PASD1: variants seen among roughly 807,000 people sequenced by gnomAD.
PASD1 encodes PAS domain containing repressor 1.
In PASD1, 13 loss-of-function variants were observed where a neutral mutation model predicts 58.8. The ratio of observed to expected loss-of-function variants is 0.22; its 90% CI spans 0.14 to 0.35. PASD1 has a LOEUF of 0.35. PASD1 is among the 10% of genes least tolerant of loss of function. The probability of loss-of-function intolerance (pLI) is 1.00; values close to 1 mark genes in which losing one functional copy is unlikely to be tolerated. For missense variants in PASD1, 734 were observed against 568.3 expected, an observed-to-expected ratio of 1.29 and a Z score of -2.96; for synonymous variants, 236 against 216.7, an observed-to-expected ratio of 1.09 and a Z score of -0.78.
At chrX:151,607,258 A>G (rs777841927) in intron 3 of PASD1, among the ~76,000 whole-genome samples, 1 of 111,883 alleles carries the variant, frequency 8.9e-6, no homozygotes, top group Non-Finnish European at 1.9e-5. Context: ...TTTTTGCTCA[A>G]CCTTTCTTTT....
chrX:151,640,710 A>G (rs2013985751), intron 8 of PASD1, among the ~76,000 whole-genome samples: 1 of 111,847 alleles, frequency 8.9e-6, no homozygotes, highest in African/African-American at 3.2e-5. Flanking sequence ...CATTCTGCCC[A>G]TGAATGTCTT....
chrX:151,627,116 T>C (rs2013798137), intron 8 of PASD1, among the ~76,000 whole-genome samples: 1 of 112,033 alleles, frequency 8.9e-6, no homozygotes, highest in Non-Finnish European at 1.9e-5. Flanking sequence ...TGTCTGCTCA[T>C]GCCATGATCA....
chrX:151,582,220 G>A (rs752699452), intron 1 of PASD1, among the ~76,000 whole-genome samples: 22 of 110,390 alleles, frequency 2.0e-4, no homozygotes, highest in African/African-American at 6.9e-4. Flanking sequence ...TCCTGACCTC[G>A]TGATCCACCA....
intron 1 of PASD1, among the ~76,000 whole-genome samples, chrX:151,599,128 T>C (rs2013362261): frequency 9.0e-6 from 1 of 111,534 alleles, no homozygotes; most frequent in Non-Finnish European, 1.9e-5. Context: ...TCAGAGAGCA[T>C]GGGGTTGGGG....
intron 1 of PASD1, among the ~76,000 whole-genome samples, chrX:151,599,637 C>T (rs927687824): frequency 9.3e-6 from 1 of 107,570 alleles, no homozygotes; most frequent in African/African-American, 3.4e-5. Flanking sequence ...GGGTCGCGGC[C>T]GGGCAGAGGC....
chrX:151,575,107 C>T (rs1376951099), intron 1 of PASD1, among the ~76,000 whole-genome samples: 1 of 111,533 alleles, frequency 9.0e-6, no homozygotes, highest in Non-Finnish European at 1.9e-5. Flanking sequence ...AAAGCTCAGT[C>T]CCTTTGGTCA....
chrX:151,675,142 A>T (rs1185681364), intron 15 of PASD1, among the ~76,000 whole-genome samples: 1 of 111,925 alleles, frequency 8.9e-6, no homozygotes, highest in African/African-American at 3.2e-5. Flanking sequence ...CCAAGCCAGC[A>T]CAAGGCTGAG....
intron 1 of PASD1, among the ~76,000 whole-genome samples, chrX:151,585,846 A>G (rs1167554685): frequency 1.8e-5 from 2 of 112,135 alleles, no homozygotes; most frequent in African/African-American, 6.5e-5. Context: ...TATACAATAA[A>G]TGTAGAAATT....
Position 151,640,868 on chromosome X carries a change from C to T in PASD1, c.630-7747C>T, listed in dbSNP as rs770228527. ...TTGCCTTCATGTTTACTTAATATTT[C>T]TACACTGCTCAGAGGAAGCCAATAT... On this transcript the variant is annotated intron_variant, in intron 8 of 15. Coordinates refer to ENST00000370357, the MANE Select transcript of PASD1 (RefSeq NM_173493.3). Among the ~76,000 whole-genome samples, 4 of 111,898 alleles carry T rather than the reference C, an allele frequency of 3.6e-5. No individual in the cohort carries two copies. The South Asian group carries it at 1.5e-3, about 42-fold the overall frequency.
chrX:151,597,590 T>G (rs2013336967), intron 1 of PASD1, among the ~76,000 whole-genome samples: 1 of 112,433 alleles, frequency 8.9e-6, no homozygotes, highest in African/African-American at 3.2e-5. Context: ...TTCACTACTT[T>G]TTATTTTAAG....
intron 1 of PASD1, among the ~76,000 whole-genome samples, chrX:151,565,560 T>A: frequency 1.7e-5 from 1 of 57,478 alleles, no homozygotes; most frequent in South Asian, 6.8e-4. Flanking sequence ...TTTCCTTACT[T>A]TTTTTTTTTT....
At chrX:151,664,063 T>C in intron 10 of PASD1, 56 bp from the exon 11 acceptor site, 2 of 1,195,760 alleles carry the variant, frequency 1.7e-6, no homozygotes, top group Non-Finnish European at 2.3e-6. Context: ...GTCTTTTTGA[T>C]AACATTAGTA....
At chrX:151,579,801 A>T (rs1376514793) in intron 1 of PASD1, among the ~76,000 whole-genome samples, 1 of 112,059 alleles carries the variant, frequency 8.9e-6, no homozygotes, top group African/African-American at 3.2e-5. Flanking sequence ...AGACAAGATT[A>T]CACATGTTGG....
At chrX:151,639,402 A>G (rs1015596169) in intron 8 of PASD1, among the ~76,000 whole-genome samples, 1 of 112,384 alleles carries the variant, frequency 8.9e-6, no homozygotes, top group Non-Finnish European at 1.9e-5. Flanking sequence ...TACTGTGCCT[A>G]TCCTCATAAA....
chrX:151,643,983 ATGGTTAGTTAGCATTTACC>A (rs2014028103), intron 8 of PASD1, among the ~76,000 whole-genome samples: 1 of 111,545 alleles, frequency 9.0e-6, no homozygotes, highest in South Asian at 3.8e-4. Flanking sequence ...GGTAGGGAGT[ATGGTTAGTTAGCATTTACC>A]TTAAGATTAT....
chrX:151,599,819 G>A (rs1220256056), intron 1 of PASD1, among the ~76,000 whole-genome samples: 1 of 109,219 alleles, frequency 9.2e-6, no homozygotes, highest in Non-Finnish European at 1.9e-5. Flanking sequence ...CATCCCAGAC[G>A]ATGGGCAGCC....
intron 9 of PASD1, among the ~76,000 whole-genome samples, chrX:151,653,912 TTC>T (rs1175526930): frequency 1.5e-5 from 1 of 68,180 alleles, no homozygotes; most frequent in African/African-American, 6.1e-5. Context: ...CTTTCTTTCT[TTC>T]TTTCTTTCTT....
intron 7 of PASD1, among the ~76,000 whole-genome samples, chrX:151,625,206 A>T (rs1389169812): frequency 8.9e-6 from 1 of 111,777 alleles, no homozygotes; most frequent in East Asian, 2.8e-4. Flanking sequence ...GGGAAGAGGG[A>T]TGAACTCACA....
chrX:151,656,988 G>C (rs1265604354), intron 9 of PASD1, among the ~76,000 whole-genome samples: 1 of 111,762 alleles, frequency 8.9e-6, no homozygotes, highest in African/African-American at 3.3e-5. Flanking sequence ...GATATTGGCT[G>C]TGGGTTTGTC....
Sources: gnomAD v4.1 joint callset for allele counts (sites outside exome capture counted in the v4.1 genomes callset) on GRCh38, gnomAD v4.1.1 for gene constraint, MANE v1.5 for transcripts, NCBI Gene and HGNC (gene_info 2026-07-23, HGNC 2026-07-21) for gene names.